CDH22: variants seen among roughly 807,000 people sequenced by gnomAD.
CDH22 encodes cadherin 22.
A neutral mutation model predicts 58.4 loss-of-function variants in CDH22; 30 were observed. That is an observed-to-expected ratio of 0.51 (90% CI 0.38 to 0.70). The LOEUF is 0.70. CDH22 is among the 30% of genes least tolerant of loss of function. The pLI, the probability that CDH22 is intolerant of heterozygous loss-of-function variation, is 0.00. For synonymous variants in CDH22, 513 were observed against 558.2 expected (o/e 0.92, Z 1.14); for missense variants, 1,014 against 1,233.9 (o/e 0.82, Z 2.67).
intron 8 of CDH22, among the ~76,000 whole-genome samples, chr20:46,187,552 G>A (rs2085835410): frequency 6.6e-6 from 1 of 150,656 alleles, no homozygotes. Context: ...TAATACTAAA[G>A]CCATCACCAT....
intron 1 of CDH22, among the ~76,000 whole-genome samples, chr20:46,303,355 C>T (rs2145787738): frequency 6.6e-6 from 1 of 152,314 alleles, no homozygotes; most frequent in Non-Finnish European, 1.5e-5. Flanking sequence ...TGTGCCTCAA[C>T]AGCACTTCCT....
chr20:46,210,121 CTTGGCTCT>C lies in CDH22; in HGVS notation c.1286+178_1286+185del. 1.9e-6 allele frequency: 1 copy of C among 539,914 alleles called. No individual in the cohort carries two copies. The allele number at this position is 539,914 out of a possible 1,614,324, so 33.4% of individuals were successfully genotyped here. A position where few individuals can be genotyped will look rare whatever the true frequency, so the allele number is the denominator to read the frequency against. On this transcript the variant is annotated intron_variant, in intron 7 of 11. Transcript: ENST00000537909. This position sits in a 1 kb window ranked among gnomAD's most constrained non-coding sequence, Gnocchi z 4.5. Reference sequence around the variant, plus strand: ...CATTGACTGTTCTCACATCTGCTTCCTTGGCTCTTTGGCTCCGTGCCTGTTTCTCTCCA... The same window carrying C: ...CATTGACTGTTCTCACATCTGCTTCCTTGGCTCCGTGCCTGTTTCTCTCCA...
intron 3 of CDH22, among the ~76,000 whole-genome samples, chr20:46,239,683 AC>A (rs2086276888): frequency 6.6e-6 from 1 of 152,212 alleles, no homozygotes; most frequent in East Asian, 1.9e-4. Context: ...GTGGCTTAGG[AC>A]CTAGGGCAGC....
At chr20:46,280,324 G>A (rs1485972767) in intron 1 of CDH22, among the ~76,000 whole-genome samples, 4 of 152,206 alleles carry the variant, frequency 2.6e-5, no homozygotes, top group Non-Finnish European at 5.9e-5. Context: ...GGAGGCTGAG[G>A]CAGGAGAATC....
chr20:46,262,146 C>T (rs924549770), intron 1 of CDH22, among the ~76,000 whole-genome samples: 1 of 149,286 alleles, frequency 6.7e-6, no homozygotes, highest in African/African-American at 2.5e-5. Flanking sequence ...TTTCTGGGGC[C>T]TGGGAGTGAT....
At chr20:46,283,767 G>A (rs576190207) in intron 1 of CDH22, among the ~76,000 whole-genome samples, 118 of 140,472 alleles carry the variant, frequency 8.4e-4, no homozygotes, top group Non-Finnish European at 1.3e-3. Flanking sequence ...ATGGAGTCCC[G>A]GGCCTTTCTG....
intron 2 of CDH22, among the ~76,000 whole-genome samples, chr20:46,247,067 G>A (rs1165709539): frequency 1.3e-5 from 2 of 152,028 alleles, no homozygotes; most frequent in Non-Finnish European, 2.9e-5. Context: ...TTAGTGGTAA[G>A]AAACTATACT....
chr20:46,208,257 T>C (rs1448989865), intron 7 of CDH22, among the ~76,000 whole-genome samples: 1 of 152,184 alleles, frequency 6.6e-6, no homozygotes, highest in East Asian at 1.9e-4. Context: ...ACAGCCTTTC[T>C]TCCCTCTTCT....
chr20:46,259,146 G>A (rs536391957), intron 1 of CDH22, among the ~76,000 whole-genome samples: 1 of 152,296 alleles, frequency 6.6e-6, no homozygotes, highest in South Asian at 2.1e-4. Context: ...TCCCTAATGA[G>A]CCAGACAGAC....
rs1452824142 is a variant in CDH22, at chr20:46,265,359, A to G, written c.-399-13666T>C. On this transcript the variant is annotated intron_variant, in intron 1 of 11. Transcript: ENST00000537909. The stretch of plus-strand genomic sequence containing the variant: ...TTTCATAATTAATTAAAATTGTACA[A>G]TTCAGCCTTGATAATGAAAGCTGCA... Among the ~76,000 whole-genome samples the G allele has an allele frequency of 2.0e-5, 3 of 152,048 alleles. No individual in the cohort carries two copies. The East Asian group carries it at 5.8e-4, about 29-fold the overall frequency.
chr20:46,264,656 G>T (rs1457175065), intron 1 of CDH22, among the ~76,000 whole-genome samples: 1 of 152,152 alleles, frequency 6.6e-6, no homozygotes, highest in African/African-American at 2.4e-5. Flanking sequence ...ATGAGGATGG[G>T]CCGGGAGGTG....
At position 46,239,291 on chromosome 20, in the gene CDH22, G is replaced by A. The variant is rs191606371; in HGVS notation, c.550+1672C>T. Among the ~76,000 whole-genome samples, 6 of 152,326 alleles carry A rather than the reference G, an allele frequency of 3.9e-5. No homozygotes were observed. The East Asian group carries it at 1.2e-3, about 29-fold the overall frequency. ...CACAGCATGTCACATGCACACACAGGCCTTAAAGTGCTTCTTGGTTAGGTG... is the reference window on the plus strand; with the variant it reads ...CACAGCATGTCACATGCACACACAGACCTTAAAGTGCTTCTTGGTTAGGTG... On this transcript the variant is annotated intron_variant, in intron 3 of 11. Coordinates refer to ENST00000537909, the MANE Select transcript of CDH22 (RefSeq NM_021248.3).
At chr20:46,307,980 G>C (rs2059031623) in intron 1 of CDH22, among the ~76,000 whole-genome samples, 2 of 151,812 alleles carry the variant, frequency 1.3e-5, no homozygotes, top group Non-Finnish European at 2.9e-5. Flanking sequence ...CGAGGTTGTG[G>C]GGACGGGTGG....
intron 1 of CDH22, among the ~76,000 whole-genome samples, chr20:46,262,412 G>A (rs376615370): frequency 2.8e-4 from 43 of 152,052 alleles, no homozygotes; most frequent in African/African-American, 8.2e-4. Flanking sequence ...CTTGCCCCCC[G>A]CCCCAGGCTA....
intron 2 of CDH22, among the ~76,000 whole-genome samples, chr20:46,249,619 G>A (rs938470530): frequency 6.6e-6 from 1 of 152,052 alleles, no homozygotes; most frequent in Non-Finnish European, 1.5e-5. Context: ...ACTGCCTCCC[G>A]GTTCCCACAC....
intron 1 of CDH22, among the ~76,000 whole-genome samples, chr20:46,273,485 A>T (rs999251869): frequency 1.3e-5 from 2 of 152,220 alleles, no homozygotes; most frequent in Admixed American, 1.3e-4. Context: ...AGTGCATGGC[A>T]CATCGTTATG....
At chr20:46,183,859 C>T (rs1346222246) in intron 10 of CDH22, among the ~76,000 whole-genome samples, 3 of 152,168 alleles carry the variant, frequency 2.0e-5, no homozygotes, top group Non-Finnish European at 4.4e-5. Flanking sequence ...CTGGCCCCCT[C>T]GCTGACCACA....
Position 46,210,091 on chromosome 20 carries a change from T to TG in CDH22, c.1286+215dup. ...CCCTTATTGGCCTGGCTCGCCTGCC[T>TG]GTCTCATTGACTGTTCTCACATCTG... is the stretch of plus-strand genomic sequence containing the variant. On this transcript the variant is annotated intron_variant, in intron 7 of 11. Transcript: ENST00000537909. This position sits in a 1 kb window ranked among gnomAD's most constrained non-coding sequence, Gnocchi z 4.5. 1 of 450,218 alleles carries TG rather than the reference T, an allele frequency of 2.2e-6. No homozygotes were observed. Among genetic ancestry groups the TG allele is most frequent in the African/African-American group, 2.1e-5 (1 of 48,766 alleles). The allele number at this position is 450,218 out of a possible 1,614,324, so 27.9% of individuals were successfully genotyped here. A position where few individuals can be genotyped will look rare whatever the true frequency, so the allele number is the denominator to read the frequency against.
At chr20:46,215,630 G>T (rs2086078665) in intron 5 of CDH22, among the ~76,000 whole-genome samples, 1 of 152,314 alleles carries the variant, frequency 6.6e-6, no homozygotes, top group East Asian at 1.9e-4. Flanking sequence ...TTGTTGAACT[G>T]TTGTTTTTGT....
Sources: gnomAD v4.1 joint callset for allele counts (sites outside exome capture counted in the v4.1 genomes callset) on GRCh38, gnomAD v4.1.1 for gene constraint, Gnocchi (gnomAD v3.1) non-coding constraint, MANE v1.5 for transcripts, NCBI Gene and HGNC (gene_info 2026-07-23, HGNC 2026-07-21) for gene names.